SGCZ: variants seen among roughly 807,000 people sequenced by gnomAD.
SGCZ encodes the protein zeta-sarcoglycan.
SGCZ carries 40 observed loss-of-function variants against 41.3 expected under a neutral mutation model. The observed-to-expected ratio is 0.97, with a 90% CI of 0.75 to 1.26. SGCZ has a LOEUF of 1.26. Among genes scored for constraint, SGCZ ranks in the 50% most tolerant of loss-of-function variants. The probability of loss-of-function intolerance (pLI) is 0.00; values close to 1 mark genes in which losing one functional copy is unlikely to be tolerated. For missense variants in SGCZ, 552 were observed against 369.8 expected, an observed-to-expected ratio of 1.49 and a Z score of -4.04; for synonymous variants, 206 against 137.5, an observed-to-expected ratio of 1.50 and a Z score of -3.49.
chr8:14,432,341 C>T (rs985588872), intron 2 of SGCZ, among the ~76,000 whole-genome samples: 1 of 152,196 alleles, frequency 6.6e-6, no homozygotes, highest in African/African-American at 2.4e-5. Context: ...TGGAATACTA[C>T]TTAGCCATAA....
intron 1 of SGCZ, among the ~76,000 whole-genome samples, chr8:15,094,953 T>C (rs1806285863): frequency 6.6e-6 from 1 of 152,188 alleles, no homozygotes; most frequent in South Asian, 2.1e-4. Flanking sequence ...GTCTCGGGTA[T>C]TTGTTCATAG....
At chr8:14,489,137 C>T (rs1801767223) in intron 2 of SGCZ, among the ~76,000 whole-genome samples, 1 of 151,788 alleles carries the variant, frequency 6.6e-6, no homozygotes. Flanking sequence ...AATTCCTGTG[C>T]ATGTCACCTT....
intron 1 of SGCZ, among the ~76,000 whole-genome samples, chr8:14,775,873 G>C (rs1197175683): frequency 6.6e-6 from 1 of 152,122 alleles, no homozygotes; most frequent in Non-Finnish European, 1.5e-5. Context: ...CAGAAGACAA[G>C]AGAAGTAAAT....
intron 1 of SGCZ, among the ~76,000 whole-genome samples, chr8:14,830,874 T>A (rs1205838552): frequency 6.6e-6 from 1 of 152,202 alleles, no homozygotes; most frequent in Admixed American, 6.5e-5. Context: ...AAAACTGGTG[T>A]TACAAGGAAG....
At chr8:14,171,552 T>C (rs1287157285) in intron 4 of SGCZ, among the ~76,000 whole-genome samples, 1 of 151,996 alleles carries the variant, frequency 6.6e-6, no homozygotes, top group Non-Finnish European at 1.5e-5. Flanking sequence ...AATATTCTAT[T>C]TTGAATATTT....
chr8:14,690,452 G>A (rs1380797820), intron 1 of SGCZ: 1 of 152,078 alleles, frequency 6.6e-6, no homozygotes, highest in Admixed American at 6.6e-5. Flanking sequence ...ATGATGAGAT[G>A]CTGTTGATCT....
At chr8:14,148,538 A>T (rs1803598511) in intron 5 of SGCZ, among the ~76,000 whole-genome samples, 1 of 151,344 alleles carries the variant, frequency 6.6e-6, no homozygotes, top group African/African-American at 2.4e-5. Flanking sequence ...AAGGCATAAT[A>T]AAAAAAAATC....
At chr8:14,603,910 C>A (rs1198853995) in intron 1 of SGCZ, among the ~76,000 whole-genome samples, 3 of 152,006 alleles carry the variant, frequency 2.0e-5, no homozygotes, top group Non-Finnish European at 4.4e-5. Context: ...TTTAGTTATG[C>A]TTGACCCGCT....
At chr8:14,587,062 T>G (rs577529404) in intron 1 of SGCZ, among the ~76,000 whole-genome samples, 5 of 152,036 alleles carry the variant, frequency 3.3e-5, no homozygotes, top group Admixed American at 3.3e-4. Flanking sequence ...ATTTTATTAT[T>G]CATTTATTTT....
At chr8:14,851,169 G>A (rs181803533) in intron 1 of SGCZ, among the ~76,000 whole-genome samples, 95 of 151,836 alleles carry the variant, frequency 6.3e-4, no homozygotes, top group South Asian at 1.2e-3. Flanking sequence ...GGAGATCGAG[G>A]CCATCCTGGC....
At chr8:14,122,481 G>C (rs1181689197) in intron 5 of SGCZ, among the ~76,000 whole-genome samples, 1 of 152,158 alleles carries the variant, frequency 6.6e-6, no homozygotes, top group South Asian at 2.1e-4. Context: ...GTTAAGAACA[G>C]TCCATGTAGG....
chr8:14,391,378 A>C lies in SGCZ; in HGVS notation c.235-67174T>G, dbSNP rs138275343. On this transcript the variant is annotated intron_variant, in intron 2 of 7. Transcript: ENST00000382080. ...GAAACAAAGAAAAAATTCATGCATA[A>C]AGATAAAGTCATTGTTAAGACTTTG... is the stretch of plus-strand genomic sequence containing the variant. Among the ~76,000 whole-genome samples the C allele has an allele frequency of 4.5e-4, 68 of 152,260 alleles. 1 individual carries two copies. The highest frequency in any genetic ancestry group is 1.6e-3 in the African/African-American group (66 of 41,538).
intron 3 of SGCZ, among the ~76,000 whole-genome samples, chr8:14,266,394 A>G (rs1799867457): frequency 6.6e-6 from 1 of 152,136 alleles, no homozygotes; most frequent in Admixed American, 6.5e-5. Flanking sequence ...AAGCACCAAG[A>G]TAACTCACCT....
intron 1 of SGCZ, among the ~76,000 whole-genome samples, chr8:15,151,590 T>C (rs961631776): frequency 2.0e-5 from 3 of 152,158 alleles, no homozygotes; most frequent in Non-Finnish European, 2.9e-5. Context: ...CTGAATACAT[T>C]TTCACAAAGA....
intron 1 of SGCZ, among the ~76,000 whole-genome samples, chr8:14,747,400 T>A (rs1413795028): frequency 6.6e-6 from 1 of 152,128 alleles, no homozygotes; most frequent in Non-Finnish European, 1.5e-5. Flanking sequence ...CATAGCAACC[T>A]GCAACAATAC....
At chr8:14,473,277 T>G (rs1026399157) in intron 2 of SGCZ, among the ~76,000 whole-genome samples, 8 of 152,124 alleles carry the variant, frequency 5.3e-5, no homozygotes, top group Admixed American at 5.2e-4. Context: ...ATTGTAACTA[T>G]TTTCACATTT....
chr8:14,101,750 T>A lies in SGCZ; in HGVS notation c.744+626A>T, dbSNP rs560783860. ...ACCAAAGTGCTTTCTGGAAGAACTT[T>A]CTGAATATCAAGATATAACAAGAAT... On this transcript the variant is annotated intron_variant, in intron 7 of 7. Transcript: ENST00000382080. Among the ~76,000 whole-genome samples the A allele has an allele frequency of 2.0e-5, 3 of 152,024 alleles. No homozygotes were observed. The East Asian group carries it at 5.8e-4, about 29-fold the overall frequency.
At chr8:14,475,230 T>C (rs1381396083) in intron 2 of SGCZ, among the ~76,000 whole-genome samples, 1 of 152,208 alleles carries the variant, frequency 6.6e-6, no homozygotes, top group Non-Finnish European at 1.5e-5. Flanking sequence ...TTTGCTTTTT[T>C]ATTCCAGTAT....
intron 2 of SGCZ, among the ~76,000 whole-genome samples, chr8:14,472,963 C>T (rs73525345): frequency 1.3e-5 from 2 of 152,066 alleles, no homozygotes; most frequent in African/African-American, 4.8e-5. Flanking sequence ...AACTGCAAGA[C>T]CCGGTTGGTG....
Sources: gnomAD v4.1 joint callset for allele counts (sites outside exome capture counted in the v4.1 genomes callset) on GRCh38, gnomAD v4.1.1 for gene constraint, MANE v1.5 for transcripts, NCBI Gene and HGNC (gene_info 2026-07-23, HGNC 2026-07-21) for gene names.